The following ALDH9A1 variants were observed in gnomAD, a reference collection of about 807,000 sequenced individuals.
ALDH9A1 encodes the protein aldehyde dehydrogenase 9 family member A1, also known as 4-trimethylaminobutyraldehyde dehydrogenase.
In ALDH9A1, 42 loss-of-function variants were observed where a neutral mutation model predicts 56.6. That is an observed-to-expected ratio of 0.74 (90% CI 0.58 to 0.96). The LOEUF (loss-of-function observed/expected upper bound fraction) is 0.96, where lower values mean the gene tolerates loss of function less well. ALDH9A1 is among the 40% of genes least tolerant of loss of function. The probability of loss-of-function intolerance (pLI) is 0.00; values close to 1 mark genes in which losing one functional copy is unlikely to be tolerated. For synonymous variants in ALDH9A1, 242 were observed against 236.0 expected (o/e 1.03, Z -0.23); for missense variants, 661 against 651.5 (o/e 1.01, Z -0.16).
At chr1:165,694,393 A>G (rs916369100) in intron 2 of ALDH9A1, among the ~76,000 whole-genome samples, 1 of 152,052 alleles carries the variant, frequency 6.6e-6, no homozygotes, top group Non-Finnish European at 1.5e-5. Flanking sequence ...AACCCTTTGC[A>G]TTGCAGGCTT....
At chr1:165,675,834 C>T (rs548769464) in intron 6 of ALDH9A1, among the ~76,000 whole-genome samples, 45 of 152,204 alleles carry the variant, frequency 3.0e-4, no homozygotes, top group South Asian at 2.3e-3. Flanking sequence ...TATACTCTCA[C>T]GCTGAATATA....
Position 165,683,036 on chromosome 1 carries a change from A to G in ALDH9A1, c.402T>C (p.Ile134=), listed in dbSNP as rs1143659. ...ACTCCAGGCACTGCCAGGAAATGTC[A>G]ATGTCCAAGCGGGCCTCAAAGATGG... ...GKSIFEARLD[I]DISWQCLEYY... Residue 134 remains isoleucine, a synonymous_variant, in exon 3 of 11, where the codon ATT becomes ATC. Transcript: ENST00000354775. 0.68 allele frequency: 1,096,679 copies of G among 1,613,588 alleles called. 376,332 individuals carry two copies. Among genetic ancestry groups the G allele is most frequent in the East Asian group, 0.98 (44,077 of 44,876 alleles).
Position 165,663,129 on chromosome 1 carries a change from TTCTC to T in ALDH9A1, c.1474_1477del (p.Glu492ThrfsTer4). On this transcript the variant is annotated frameshift_variant, in exon 11 of 11. Transcript: ENST00000354775. LOFTEE classifies it high-confidence loss of function. ...ATAATATTCGATTGTCACACGGCCG[TTCTC>T]TCTGCCAAATCCTGAAAGGAGGAGA... is the stretch of plus-strand genomic sequence containing the variant. 6.2e-7 allele frequency: 1 copy of T among 1,603,662 alleles called. No homozygotes were observed. The highest frequency in any genetic ancestry group is 1.1e-5 in the South Asian group (1 of 90,898).
chr1:165,671,007 G>C (rs958401376), intron 6 of ALDH9A1, among the ~76,000 whole-genome samples: 4 of 152,324 alleles, frequency 2.6e-5, no homozygotes, highest in Admixed American at 6.5e-5. Flanking sequence ...GGAGATGGAG[G>C]TTGCAGTGAG....
At chr1:165,672,838 G>A (rs908527259) in intron 6 of ALDH9A1, among the ~76,000 whole-genome samples, 1 of 152,072 alleles carries the variant, frequency 6.6e-6, no homozygotes, top group African/African-American at 2.4e-5. Context: ...CCAGGAGGCT[G>A]AAGTGGGAAT....
At chr1:165,670,215 T>C (rs1328728266) in intron 6 of ALDH9A1, among the ~76,000 whole-genome samples, 3 of 152,144 alleles carry the variant, frequency 2.0e-5, no homozygotes, top group African/African-American at 4.8e-5. Context: ...GGCGGATCAC[T>C]TGAGCTCAGG....
intron 10 of ALDH9A1, among the ~76,000 whole-genome samples, chr1:165,664,273 G>A (rs766270151): frequency 2.6e-5 from 4 of 152,008 alleles, no homozygotes; most frequent in Non-Finnish European, 5.9e-5. Context: ...ATGGTGCCTC[G>A]ACAAAGTCCA....
chr1:165,698,320 G>A (rs964969620), intron 1 of ALDH9A1, 58 bp downstream of exon 1: 2 of 1,541,878 alleles, frequency 1.3e-6, no homozygotes, highest in Non-Finnish European at 1.7e-6. Context: ...GGGGCTGGCC[G>A]GGAAATCCGC....
chr1:165,679,605 T>C, intron 5 of ALDH9A1, 23 bp from the exon 6 acceptor site: 1 of 1,613,942 alleles, frequency 6.2e-7, no homozygotes, highest in Non-Finnish European at 8.5e-7. Context: ...GGACAAGGTA[T>C]TCAGAACTTT....
intron 8 of ALDH9A1, among the ~76,000 whole-genome samples, chr1:165,668,086 A>G (rs1458324409): frequency 6.6e-6 from 1 of 152,230 alleles, no homozygotes; most frequent in African/African-American, 2.4e-5. Context: ...TGTCAAAACT[A>G]GATTTTTAAG....
intron 3 of ALDH9A1, 113 bp downstream of exon 3, chr1:165,682,868 A>AC (rs775851586): frequency 1.6e-6 from 2 of 1,282,494 alleles, no homozygotes; most frequent in African/African-American, 3.0e-5. Context: ...AAAGTGACAA[A>AC]CCCAAGACTT....
chr1:165,677,878 A>C (rs1649416552), intron 6 of ALDH9A1, among the ~76,000 whole-genome samples: 1 of 135,786 alleles, frequency 7.4e-6, no homozygotes, highest in South Asian at 2.4e-4. Context: ...AAAAAAAAAA[A>C]ATTAGCCAGC....
intron 2 of ALDH9A1, among the ~76,000 whole-genome samples, chr1:165,692,128 A>T (rs1024917787): frequency 2.6e-5 from 4 of 152,202 alleles, no homozygotes; most frequent in Non-Finnish European, 5.9e-5. Context: ...AATGGGCAAA[A>T]ACTGGAAGCA....
chr1:165,665,799 C>A (rs1038975258), intron 9 of ALDH9A1, among the ~76,000 whole-genome samples: 1 of 152,110 alleles, frequency 6.6e-6, no homozygotes, highest in African/African-American at 2.4e-5. Flanking sequence ...AACCTTCATA[C>A]GTTGTTCGGA....
rs1042327223 is a variant in ALDH9A1, at chr1:165,695,267, A to G, written c.312T>C (p.Ala104=). ...GMERCRILLE[A]ARIIREREDE... ...TGGAACATACCCTTATTATCCTGGC[A>G]GCCTCCAAAAGGATTCGGCAACGCT... Residue 104 remains alanine, a synonymous_variant, in exon 2 of 11, where the codon GCT becomes GCC. Coordinates refer to ENST00000354775, the MANE Select transcript of ALDH9A1 (RefSeq NM_000696.4). The G allele has an allele frequency of 3.7e-6, 6 of 1,608,720 alleles. No homozygotes were observed.
intron 2 of ALDH9A1, among the ~76,000 whole-genome samples, chr1:165,686,507 GTTTT>G (rs748997343): frequency 1.5e-5 from 2 of 136,194 alleles, no homozygotes; most frequent in African/African-American, 2.8e-5. Context: ...AGAAGAAAAT[GTTTT>G]TTTTTTTAAA....
chr1:165,688,826 T>C (rs1363942068), intron 2 of ALDH9A1, among the ~76,000 whole-genome samples: 1 of 152,194 alleles, frequency 6.6e-6, no homozygotes, highest in Admixed American at 6.5e-5. Context: ...TGGAATAAAT[T>C]GGGGTGAAGG....
chr1:165,682,045 G>A (rs1388762470), intron 4 of ALDH9A1, 62 bp downstream of exon 4: 5 of 1,587,626 alleles, frequency 3.1e-6, no homozygotes. Flanking sequence ...GTAGAGAATG[G>A]GGAGAGAACG....
chr1:165,681,955 G>A (rs562289987), intron 4 of ALDH9A1, 152 bp downstream of exon 4: 13 of 1,004,254 alleles, frequency 1.3e-5, no homozygotes, highest in South Asian at 8.8e-5. Context: ...GGGCAGGAAC[G>A]AGCCATGTCC....
Sources: gnomAD v4.1 joint callset for allele counts (sites outside exome capture counted in the v4.1 genomes callset) on GRCh38, gnomAD v4.1.1 for gene constraint, MANE v1.5 for transcripts, NCBI Gene and HGNC (gene_info 2026-07-23, HGNC 2026-07-21) for gene names.